The following CACNA2D3 variants were observed in gnomAD, a reference collection of about 807,000 sequenced individuals.
CACNA2D3 encodes the protein calcium voltage-gated channel auxiliary subunit alpha2delta 3, also known as voltage-dependent calcium channel subunit alpha-2/delta-3.
CACNA2D3 carries 60 observed loss-of-function variants against 160.6 expected under a neutral mutation model. That is an observed-to-expected ratio of 0.37 (90% CI 0.30 to 0.46). CACNA2D3 has a LOEUF of 0.46. Ranked by LOEUF, CACNA2D3 falls within the 20% of genes least tolerant of loss-of-function variation. The pLI, the probability that CACNA2D3 is intolerant of heterozygous loss-of-function variation, is 1.00. For missense variants in CACNA2D3, 1,205 were observed against 1,365.0 expected (o/e 0.88, Z 1.85); for synonymous variants, 558 against 492.9 (o/e 1.13, Z -1.75).
intron 2 of CACNA2D3, among the ~76,000 whole-genome samples, chr3:54,162,116 A>G (rs1700357672): frequency 6.6e-6 from 1 of 152,154 alleles, no homozygotes. Flanking sequence ...TCTTTCACTC[A>G]AGGATATTTA....
chr3:54,666,649 C>T (rs1700073586), intron 11 of CACNA2D3, among the ~76,000 whole-genome samples: 1 of 152,184 alleles, frequency 6.6e-6, no homozygotes, highest in Non-Finnish European at 1.5e-5. Context: ...GTACCAAAGA[C>T]ATTTTTTGCT....
At chr3:54,913,588 G>A (rs1296091056) in intron 27 of CACNA2D3, among the ~76,000 whole-genome samples, 2 of 152,120 alleles carry the variant, frequency 1.3e-5, no homozygotes, top group African/African-American at 4.8e-5. Context: ...TTTTGCCTTG[G>A]CTCCTTCAGC....
At chr3:54,934,617 G>A (rs1371444896) in intron 27 of CACNA2D3, among the ~76,000 whole-genome samples, 1 of 152,130 alleles carries the variant, frequency 6.6e-6, no homozygotes, top group Non-Finnish European at 1.5e-5. Context: ...TTTCTTTTCA[G>A]CATCCACGTG....
chr3:54,522,907 C>CATTT (rs36129743), intron 5 of CACNA2D3, among the ~76,000 whole-genome samples: 224 of 146,422 alleles, frequency 1.5e-3, no homozygotes, highest in East Asian at 6.1e-3. Context: ...ACCAAAGCAC[C>CATTT]ATTTATTTAT....
intron 2 of CACNA2D3, among the ~76,000 whole-genome samples, chr3:54,198,205 A>C (rs759173264): frequency 6.6e-6 from 1 of 152,346 alleles, no homozygotes; most frequent in Non-Finnish European, 1.5e-5. Flanking sequence ...TACCTAAAAG[A>C]GCCCCCATCC....
chr3:54,969,279 T>TTTTTG (rs1702220785), intron 28 of CACNA2D3, among the ~76,000 whole-genome samples: 1 of 150,194 alleles, frequency 6.7e-6, no homozygotes, highest in African/African-American at 2.5e-5. Context: ...TTTTTTTTTT[T>TTTTTG]GAGATAGTCT....
At chr3:55,036,752 C>A (rs1029619911) in intron 35 of CACNA2D3, among the ~76,000 whole-genome samples, 1 of 152,148 alleles carries the variant, frequency 6.6e-6, no homozygotes, top group Non-Finnish European at 1.5e-5. Flanking sequence ...AGGCGTGAGC[C>A]ACTGCGCTCG....
At chr3:55,052,520 T>C (rs947073998) in intron 35 of CACNA2D3, among the ~76,000 whole-genome samples, 11 of 152,036 alleles carry the variant, frequency 7.2e-5, no homozygotes, top group Non-Finnish European at 1.6e-4. Context: ...TAAAGTTGGT[T>C]TCTATATTCT....
intron 35 of CACNA2D3, among the ~76,000 whole-genome samples, chr3:55,061,950 T>C (rs994816858): frequency 6.6e-6 from 1 of 152,162 alleles, no homozygotes; most frequent in Admixed American, 6.5e-5. Flanking sequence ...AAAGAGAAAC[T>C]TCTATAGAAG....
chr3:54,965,745 G>T (rs971114277), intron 27 of CACNA2D3, among the ~76,000 whole-genome samples: 2 of 152,204 alleles, frequency 1.3e-5, no homozygotes, highest in Admixed American at 6.5e-5. Flanking sequence ...TTACTGGAAA[G>T]GGGATGAGGT....
chr3:54,741,391 C>T (rs1488738771), intron 11 of CACNA2D3, among the ~76,000 whole-genome samples: 1 of 152,056 alleles, frequency 6.6e-6, no homozygotes, highest in African/African-American at 2.4e-5. Context: ...TTATTTGATC[C>T]ATTTCACAAC....
At chr3:54,770,942 A>G (rs991288927) in intron 13 of CACNA2D3, among the ~76,000 whole-genome samples, 4 of 152,242 alleles carry the variant, frequency 2.6e-5, no homozygotes, top group Admixed American at 2.6e-4. Context: ...CAAAGCAACC[A>G]TAAAAAACTA....
At chr3:54,478,400 A>G (rs1700866806) in intron 4 of CACNA2D3, among the ~76,000 whole-genome samples, 1 of 151,886 alleles carries the variant, frequency 6.6e-6, no homozygotes. Context: ...TGAGAGGCCA[A>G]GGCGGGAAGA....
intron 34 of CACNA2D3, among the ~76,000 whole-genome samples, chr3:55,012,996 TAAG>T (rs1455849256): frequency 6.6e-6 from 1 of 152,144 alleles, no homozygotes; most frequent in Non-Finnish European, 1.5e-5. Flanking sequence ...TTTTCTGTCT[TAAG>T]GAGCTTTGTA....
rs536862894 is a variant in CACNA2D3 at position 54,694,697 on chromosome 3, A to G, written c.1167+52456A>G. ...GCTCTTTTGAAAAAGTGCCTGAGGT[A>G]TTGCTAGCTGTATTTGGGTTCCTTC... is the stretch of plus-strand genomic sequence containing the variant. On this transcript the variant is annotated intron_variant, in intron 11 of 37. Coordinates refer to ENST00000474759, the MANE Select transcript of CACNA2D3 (RefSeq NM_018398.3). Among the ~76,000 whole-genome samples, 4 of 152,260 alleles carry G rather than the reference A, an allele frequency of 2.6e-5. No individual in the cohort carries two copies. In the South Asian group the frequency reaches 8.3e-4, roughly 32 times the overall value.
intron 14 of CACNA2D3, among the ~76,000 whole-genome samples, chr3:54,835,433 CTGGGTACT>C (rs1449841018): frequency 1.3e-5 from 2 of 152,294 alleles, no homozygotes; most frequent in African/African-American, 4.8e-5. Context: ...TGCTGCTGTT[CTGGGTACT>C]ACATTGTAAG....
At chr3:54,855,722 TG>T (rs1353347875) in intron 17 of CACNA2D3, among the ~76,000 whole-genome samples, 1 of 152,092 alleles carries the variant, frequency 6.6e-6, no homozygotes, top group Non-Finnish European at 1.5e-5. Flanking sequence ...GTAGTGGGAG[TG>T]GAGAATTTCC....
intron 2 of CACNA2D3, among the ~76,000 whole-genome samples, chr3:54,214,970 TACCCCAGAGTAGGG>T (rs2107368011): frequency 6.6e-6 from 1 of 152,232 alleles, no homozygotes; most frequent in South Asian, 2.1e-4. Context: ...TAAAGCACAA[TACCCCAGAGTAGGG>T]GTCCTCAGAT....
Position 54,141,785 on chromosome 3 carries a change from G to A in CACNA2D3, c.204+18191G>A, listed in dbSNP as rs576258418. Among the ~76,000 whole-genome samples, 25 of 152,314 alleles carry A rather than the reference G, an allele frequency of 1.6e-4. 1 individual carries two copies. Among genetic ancestry groups the A allele is most frequent in the East Asian group, 1.3e-3 (7 of 5,190 alleles). On this transcript the variant is annotated intron_variant, in intron 2 of 37. Transcript: ENST00000474759. ...GTTACTGCCTTGGTCCCCAGCAGAA[G>A]CACAAGAAAACAACCTGAATTTGAT...
Sources: allele counts gnomAD v4.1 joint callset (sites outside exome capture counted in the v4.1 genomes callset), GRCh38; gene constraint gnomAD v4.1.1; transcripts MANE v1.5; gene names NCBI Gene and HGNC (gene_info 2026-07-23, HGNC 2026-07-21).